AGBL4: variants seen among roughly 807,000 people sequenced by gnomAD.
AGBL4 encodes AGBL carboxypeptidase 4.
In AGBL4, 58 loss-of-function variants were observed where a neutral mutation model predicts 66.4. That is an observed-to-expected ratio of 0.87 (90% CI 0.71 to 1.09). AGBL4 has a LOEUF of 1.09. Among genes scored for constraint, AGBL4 ranks in the 50% least tolerant of loss-of-function variants. AGBL4 has a pLI of 0.00. For missense variants in AGBL4, 579 were observed against 631.0 expected (o/e 0.92, Z 0.88); for synonymous variants, 234 against 222.9 (o/e 1.05, Z -0.44).
At chr1:48,614,983 G>A (rs1054553077) in intron 9 of AGBL4, among the ~76,000 whole-genome samples, 3 of 152,160 alleles carry the variant, frequency 2.0e-5, no homozygotes, top group Admixed American at 1.3e-4. Flanking sequence ...GACAATGACA[G>A]AAGGCTTTCT....
chr1:49,909,019 A>T lies in AGBL4; in HGVS notation c.35-57501T>A, dbSNP rs181713231. ...GAGACAATAGGGCATAATATAGTTA[A>T]GTACACAATAGAAGAAGATGGCCTA... On this transcript the variant is annotated intron_variant, in intron 1 of 13. Transcript: ENST00000371839. Among the ~76,000 whole-genome samples the T allele has an allele frequency of 1.6e-3, 246 of 152,264 alleles. 1 individual carries two copies. The highest frequency in any genetic ancestry group is 5.5e-3 in the African/African-American group (230 of 41,556).
intron 6 of AGBL4, among the ~76,000 whole-genome samples, chr1:48,803,654 T>C (rs1472549144): frequency 6.6e-6 from 1 of 152,240 alleles, no homozygotes; most frequent in Non-Finnish European, 1.5e-5. Flanking sequence ...TAAAATTTTC[T>C]GAGGCTATGA....
intron 5 of AGBL4, among the ~76,000 whole-genome samples, chr1:49,037,454 A>G (rs1664755705): frequency 6.6e-6 from 1 of 152,070 alleles, no homozygotes. Context: ...CTCAGGATAC[A>G]GTCCAAATTC....
At chr1:49,097,926 A>G (rs1192413284) in intron 4 of AGBL4, among the ~76,000 whole-genome samples, 1 of 152,252 alleles carries the variant, frequency 6.6e-6, no homozygotes, top group Non-Finnish European at 1.5e-5. Context: ...TCTGTTACTT[A>G]GGCACAGTCC....
At chr1:48,742,077 T>C (rs1328908855) in intron 6 of AGBL4, among the ~76,000 whole-genome samples, 1 of 152,250 alleles carries the variant, frequency 6.6e-6, no homozygotes, top group Non-Finnish European at 1.5e-5. Context: ...GTCCTAGGAC[T>C]GTGCGCTAAC....
At chr1:50,010,057 C>T (rs2148434653) in intron 1 of AGBL4, among the ~76,000 whole-genome samples, 1 of 152,230 alleles carries the variant, frequency 6.6e-6, no homozygotes, top group Admixed American at 6.5e-5. Context: ...CCTGTAATCC[C>T]TGCACTTTGG....
chr1:49,793,870 TA>T (rs1182132233), intron 2 of AGBL4, among the ~76,000 whole-genome samples: 2 of 151,848 alleles, frequency 1.3e-5, no homozygotes, highest in African/African-American at 4.8e-5. Context: ...CAATAGGGGG[TA>T]GCATGTATGA....
At chr1:48,689,007 T>A (rs1254525960) in intron 6 of AGBL4, among the ~76,000 whole-genome samples, 1 of 151,004 alleles carries the variant, frequency 6.6e-6, no homozygotes, top group Non-Finnish European at 1.5e-5. Flanking sequence ...TTAGGCAGGA[T>A]CCCCATTCAG....
chr1:49,849,043 G>T (rs921247778), intron 2 of AGBL4, among the ~76,000 whole-genome samples: 1 of 152,088 alleles, frequency 6.6e-6, no homozygotes, highest in South Asian at 2.1e-4. Context: ...AAGGTGGGGG[G>T]ATGAGTTCAG....
chr1:48,815,762 C>A (rs7556070), intron 6 of AGBL4, among the ~76,000 whole-genome samples: 148,725 of 152,266 alleles, frequency 0.98, 72,715 homozygotes, highest in East Asian at 1. Flanking sequence ...AGAAAGAGAA[C>A]GATCATCTTG....
At chr1:49,284,310 A>G (rs1264736968) in intron 3 of AGBL4, among the ~76,000 whole-genome samples, 1 of 152,184 alleles carries the variant, frequency 6.6e-6, no homozygotes, top group Non-Finnish European at 1.5e-5. Context: ...TACTTTACAG[A>G]CAAGCAAATG....
At chr1:49,253,831 C>T (rs1331439980) in intron 3 of AGBL4, among the ~76,000 whole-genome samples, 1 of 152,070 alleles carries the variant, frequency 6.6e-6, no homozygotes, top group African/African-American at 2.4e-5. Context: ...ATCAAGTAGG[C>T]CTTATCCCTA....
chr1:49,032,290 G>A (rs767974870), intron 5 of AGBL4, among the ~76,000 whole-genome samples: 5 of 152,206 alleles, frequency 3.3e-5, no homozygotes, highest in Admixed American at 6.5e-5. Context: ...CATGGATAGC[G>A]AAATCATTGA....
chr1:49,039,388 C>T (rs1017469218), intron 5 of AGBL4, among the ~76,000 whole-genome samples: 2 of 152,098 alleles, frequency 1.3e-5, no homozygotes, highest in Non-Finnish European at 2.9e-5. Flanking sequence ...ACAAATGTAG[C>T]ACTCTGGTGA....
At chr1:49,534,665 G>C (rs1253277265) in intron 3 of AGBL4, among the ~76,000 whole-genome samples, 1 of 152,204 alleles carries the variant, frequency 6.6e-6, no homozygotes, top group Admixed American at 6.5e-5. Context: ...AGGTATGAGA[G>C]CCCTGGGTTT....
At chr1:49,540,629 A>T (rs1420925600) in intron 3 of AGBL4, among the ~76,000 whole-genome samples, 2 of 152,202 alleles carry the variant, frequency 1.3e-5, no homozygotes, top group Non-Finnish European at 2.9e-5. Flanking sequence ...ATAAAAAGAG[A>T]CTGGGTTATA....
chr1:49,388,776 G>A (rs745546135), intron 3 of AGBL4, among the ~76,000 whole-genome samples: 2 of 152,050 alleles, frequency 1.3e-5, no homozygotes, highest in Non-Finnish European at 2.9e-5. Context: ...AACAATCTGG[G>A]TTCCCTACTA....
At chr1:48,667,024 A>G (rs1050104933) in intron 6 of AGBL4, among the ~76,000 whole-genome samples, 2 of 152,214 alleles carry the variant, frequency 1.3e-5, no homozygotes, top group African/African-American at 4.8e-5. Context: ...AATTAAACAC[A>G]GGTCTTTATG....
At chr1:49,060,196 C>T (rs902345378) in intron 4 of AGBL4, among the ~76,000 whole-genome samples, 1 of 152,110 alleles carries the variant, frequency 6.6e-6, no homozygotes, top group African/African-American at 2.4e-5. Flanking sequence ...GTAATTGAAT[C>T]ATGAGGGTGG....
Sources: gnomAD v4.1 joint callset for allele counts (sites outside exome capture counted in the v4.1 genomes callset) on GRCh38, gnomAD v4.1.1 for gene constraint, MANE v1.5 for transcripts, NCBI Gene and HGNC (gene_info 2026-07-23, HGNC 2026-07-21) for gene names.